PINX1: variants seen among roughly 807,000 people sequenced by gnomAD.
The protein encoded by PINX1 is PIN2/TERF1-interacting telomerase inhibitor 1.
PINX1 carries 34 observed loss-of-function variants against 25.4 expected under a neutral mutation model. The observed-to-expected ratio is 1.34, with a 90% confidence interval of 1.02 to 1.78. PINX1 has a LOEUF of 1.78. PINX1 is among the 40% of genes most tolerant of loss of function. The pLI, the probability that PINX1 is intolerant of heterozygous loss-of-function variation, is 0.00. For synonymous variants in PINX1, 197 were observed against 147.7 expected, an observed-to-expected ratio of 1.33 and a Z score of -2.42; for missense variants, 592 against 404.9, an observed-to-expected ratio of 1.46 and a Z score of -3.97.
At chr8:10,810,353 G>C (rs1023184943) in intron 6 of PINX1, among the ~76,000 whole-genome samples, 1 of 152,116 alleles carries the variant, frequency 6.6e-6, no homozygotes, top group Non-Finnish European at 1.5e-5. Flanking sequence ...GGGACAAGTC[G>C]TGGCTCATGC....
intron 6 of PINX1, among the ~76,000 whole-genome samples, chr8:10,769,604 A>G (rs1052644163): frequency 6.6e-6 from 1 of 152,174 alleles, no homozygotes; most frequent in Non-Finnish European, 1.5e-5. Flanking sequence ...AGCTATCACC[A>G]CCGTGCCAGG....
chr8:10,780,108 A>T (rs1044764369), intron 6 of PINX1, among the ~76,000 whole-genome samples: 2 of 152,186 alleles, frequency 1.3e-5, no homozygotes, highest in African/African-American at 4.8e-5. Context: ...TAGTTCTAAC[A>T]GTTTTCTGGT....
At chr8:10,832,446 A>C (rs1475819146) in intron 3 of PINX1, among the ~76,000 whole-genome samples, 1 of 152,222 alleles carries the variant, frequency 6.6e-6, no homozygotes, top group Admixed American at 6.5e-5. Context: ...TGCTTCTTCT[A>C]AGAAAATAAG....
At chr8:10,838,288 A>C (rs1798465378) in intron 1 of PINX1, among the ~76,000 whole-genome samples, 1 of 152,262 alleles carries the variant, frequency 6.6e-6, no homozygotes, top group Admixed American at 6.5e-5. Context: ...CAAATTACGA[A>C]AAAGAAAACA....
In PINX1 at chr8:10,791,368, C is replaced by T. The variant is rs141667307; in HGVS notation, c.472-25452G>A. Among the ~76,000 whole-genome samples, 55 of 152,252 alleles carry T rather than the reference C, an allele frequency of 3.6e-4. No homozygotes were observed. The East Asian group carries it at 4.4e-3, about 12-fold the overall frequency. On this transcript the variant is annotated intron_variant, in intron 6 of 6. Transcript: ENST00000314787. ...GTCCCTCCTCGGTGGAAGCACACAT[C>T]GCAAATGCTCAGTACACAGCATCCT... is the stretch of plus-strand genomic sequence containing the variant.
intron 6 of PINX1, chr8:10,787,576 T>G: frequency 3.9e-6 from 1 of 253,268 alleles, no homozygotes; most frequent in South Asian, 4.7e-5. Context: ...ACAATATTAT[T>G]ATCTTTCAGA....
chr8:10,790,512 A>G (rs1435128545), intron 6 of PINX1, among the ~76,000 whole-genome samples: 4 of 152,136 alleles, frequency 2.6e-5, no homozygotes, highest in African/African-American at 7.2e-5. Context: ...CTCCTCTCCC[A>G]GGAGCCGTGT....
At position 10,832,939 on chromosome 8, in the gene PINX1, GAAC is replaced by G. The variant is rs1563239636; in HGVS notation, c.172_174del (p.Val58del). 1 of 1,612,326 alleles carries G rather than the reference GAAC, an allele frequency of 6.2e-7. No homozygotes were observed. Among genetic ancestry groups the G allele is most frequent in the Non-Finnish European group, 8.5e-7 (1 of 1,179,080 alleles). On this transcript the variant is annotated inframe_deletion, in exon 3 of 7. Transcript: ENST00000314787. ...AGTCCCAGGTGGTTATTTTTCACTT[GAAC>G]TTTAATATGATCTGTGGCTCCTTGC...
chr8:10,800,610 C>G (rs1371565337), intron 6 of PINX1, among the ~76,000 whole-genome samples: 1 of 151,992 alleles, frequency 6.6e-6, no homozygotes, highest in Non-Finnish European at 1.5e-5. Flanking sequence ...GCTGGGATTA[C>G]AGGTGCACAC....
chr8:10,801,128 G>A (rs988267884), intron 6 of PINX1, among the ~76,000 whole-genome samples: 1 of 152,154 alleles, frequency 6.6e-6, no homozygotes, highest in African/African-American at 2.4e-5. Context: ...CCGAATTCCA[G>A]AACACAAAAA....
intron 6 of PINX1, among the ~76,000 whole-genome samples, chr8:10,781,757 C>G (rs1025220460): frequency 1.1e-5 from 1 of 91,344 alleles, no homozygotes; most frequent in Non-Finnish European, 2.2e-5. Context: ...TTGGCATACC[C>G]TCAAAGAAAA....
intron 6 of PINX1, among the ~76,000 whole-genome samples, chr8:10,787,166 A>G (rs1401226103): frequency 1.3e-5 from 2 of 151,952 alleles, no homozygotes; most frequent in Non-Finnish European, 2.9e-5. Flanking sequence ...TATTATATAT[A>G]TAAATGTATT....
intron 6 of PINX1, among the ~76,000 whole-genome samples, chr8:10,779,644 C>G (rs773101675): frequency 1.3e-5 from 2 of 152,066 alleles, no homozygotes; most frequent in Non-Finnish European, 2.9e-5. Context: ...TATTTTAATG[C>G]TTTTATTTCT....
intron 6 of PINX1, among the ~76,000 whole-genome samples, chr8:10,794,439 C>CT (rs371507337): frequency 1.7e-3 from 241 of 145,640 alleles, no homozygotes; most frequent in Non-Finnish European, 2.2e-3. Flanking sequence ...CTGTTGCTAC[C>CT]TTTTTTTTTT....
intron 6 of PINX1, among the ~76,000 whole-genome samples, chr8:10,779,702 A>G (rs899063202): frequency 6.6e-6 from 1 of 152,268 alleles, no homozygotes; most frequent in Non-Finnish European, 1.5e-5. Flanking sequence ...TAAAGATAAA[A>G]GATGAGTGGG....
intron 6 of PINX1, among the ~76,000 whole-genome samples, chr8:10,816,125 A>C (rs1392129013): frequency 6.6e-6 from 1 of 152,168 alleles, no homozygotes; most frequent in Middle Eastern, 3.2e-3. Context: ...GTGGTAATGA[A>C]ATAGTTCAGG....
At chr8:10,816,034 C>A (rs1431080513) in intron 6 of PINX1, among the ~76,000 whole-genome samples, 1 of 152,152 alleles carries the variant, frequency 6.6e-6, no homozygotes, top group Non-Finnish European at 1.5e-5. Context: ...ACGATTCTGT[C>A]GGCAGCTGTG....
intron 2 of PINX1, among the ~76,000 whole-genome samples, chr8:10,833,265 T>G (rs1754496825): frequency 6.6e-6 from 1 of 152,220 alleles, no homozygotes; most frequent in Non-Finnish European, 1.5e-5. Context: ...CAGGGTGGCT[T>G]CTGCAAATTA....
intron 6 of PINX1, among the ~76,000 whole-genome samples, chr8:10,775,627 T>C (rs181450065): frequency 1.3e-5 from 2 of 152,298 alleles, no homozygotes; most frequent in East Asian, 3.9e-4. Context: ...CTATGGACCA[T>C]AATTTGAGTG....
Sources: gnomAD v4.1 joint callset for allele counts (sites outside exome capture counted in the v4.1 genomes callset) on GRCh38, gnomAD v4.1.1 for gene constraint, MANE v1.5 for transcripts, NCBI Gene and HGNC (gene_info 2026-07-23, HGNC 2026-07-21) for gene names.